Variants in ELP4 observed in about 807,000 individuals in gnomAD.
ELP4 encodes elongator acetyltransferase complex subunit 4.
Under a neutral mutation model 48.9 loss-of-function variants are expected in ELP4, and 51 were observed. That is an observed-to-expected ratio of 1.04 (90% confidence interval 0.83 to 1.32). The LOEUF (loss-of-function observed/expected upper bound fraction) is 1.32, where lower values mean the gene tolerates loss of function less well. Ranked by LOEUF, ELP4 falls within the 40% of genes most tolerant of loss-of-function variation. The probability of loss-of-function intolerance (pLI) is 0.00; values close to 1 mark genes in which losing one functional copy is unlikely to be tolerated. For synonymous variants in ELP4, 210 were observed against 189.2 expected (o/e 1.11, Z -0.90); for missense variants, 519 against 514.6 (o/e 1.01, Z -0.08).
intron 3 of ELP4, among the ~76,000 whole-genome samples, chr11:31,540,366 T>C (rs1228610696): frequency 2.6e-5 from 4 of 152,212 alleles, no homozygotes; most frequent in African/African-American, 4.8e-5. Context: ...ATCTATATAA[T>C]CAGCAAATTG....
chr11:31,764,039 A>G (rs1443504733), intron 9 of ELP4, among the ~76,000 whole-genome samples: 1 of 152,124 alleles, frequency 6.6e-6, no homozygotes. Context: ...ATTTTCTTAT[A>G]TCTCTTTCAA....
chr11:31,743,934 A>G (rs1018845370), intron 9 of ELP4, among the ~76,000 whole-genome samples: 2 of 152,234 alleles, frequency 1.3e-5, no homozygotes, highest in South Asian at 4.1e-4. Flanking sequence ...AACCCTTCAA[A>G]AAATTAATGA....
chr11:31,625,708 C>G (rs1944729565), intron 5 of ELP4, among the ~76,000 whole-genome samples: 2 of 151,818 alleles, frequency 1.3e-5, no homozygotes, highest in Admixed American at 1.3e-4. Context: ...GGCTGGAATT[C>G]ATTTCATAAT....
chr11:31,787,805 A>G lies in ELP4; in HGVS notation c.*4281A>G. The G allele has an allele frequency of 4.4e-6, 1 of 226,740 alleles. No homozygotes were observed. The allele number at this position is 226,740 out of a possible 1,614,324, so 14.0% of individuals were successfully genotyped here. Reference sequence around the variant, plus strand: ...AATGAATCTCAATTATCTGTTCACAAGTAATTCCTTAACTAAAAAACAGTA... The same window carrying G: ...AATGAATCTCAATTATCTGTTCACAGGTAATTCCTTAACTAAAAAACAGTA... On this transcript the variant is annotated 3_prime_UTR_variant, in exon 10 of 10. Transcript: ENST00000640961.
At chr11:31,691,658 G>A (rs543384154) in intron 9 of ELP4, among the ~76,000 whole-genome samples, 2 of 152,018 alleles carry the variant, frequency 1.3e-5, no homozygotes, top group Admixed American at 1.3e-4. Context: ...CAAATAGAAT[G>A]GTACATATGT....
intron 4 of ELP4, among the ~76,000 whole-genome samples, chr11:31,598,299 G>C (rs1957713302): frequency 6.6e-6 from 1 of 151,822 alleles, no homozygotes; most frequent in South Asian, 2.1e-4. Flanking sequence ...TAGAGTTGGG[G>C]TAAAAATTAT....
intron 9 of ELP4, among the ~76,000 whole-genome samples, chr11:31,678,305 C>T (rs1291721299): frequency 6.6e-6 from 1 of 151,880 alleles, no homozygotes; most frequent in Non-Finnish European, 1.5e-5. Flanking sequence ...AAAAATTAGC[C>T]AGGTATGGTG....
intron 9 of ELP4, among the ~76,000 whole-genome samples, chr11:31,740,163 C>T (rs1231098349): frequency 6.6e-6 from 1 of 152,148 alleles, no homozygotes. Flanking sequence ...AGATAATTTC[C>T]AGAGCTGTAA....
chr11:31,511,933 T>C (rs1169461407), intron 1 of ELP4: 1 of 152,202 alleles, frequency 6.6e-6, no homozygotes, highest in Non-Finnish European at 1.5e-5. Context: ...ACAGTATTGG[T>C]TGTTGAATAC....
chr11:31,677,904 A>G (rs1196041282), intron 9 of ELP4, among the ~76,000 whole-genome samples: 1 of 152,138 alleles, frequency 6.6e-6, no homozygotes, highest in Non-Finnish European at 1.5e-5. Context: ...CTGTTTTGAC[A>G]TTCTGTGGAT....
At chr11:31,581,644 C>G (rs1957394415) in intron 3 of ELP4, among the ~76,000 whole-genome samples, 2 of 152,130 alleles carry the variant, frequency 1.3e-5, no homozygotes, top group Non-Finnish European at 2.9e-5. Flanking sequence ...TACTTCCATT[C>G]AGAGTTTATA....
intron 3 of ELP4, among the ~76,000 whole-genome samples, chr11:31,567,656 C>T (rs1347901198): frequency 2.0e-5 from 3 of 152,112 alleles, no homozygotes; most frequent in Admixed American, 1.3e-4. Flanking sequence ...AAAGGCATAC[C>T]TTGGAGATAA....
In ELP4 at chr11:31,786,259, TG is replaced by T. The variant is rs1948611813; in HGVS notation, c.*2741del. On this transcript the variant is annotated 3_prime_UTR_variant, in exon 10 of 10. Coordinates refer to ENST00000640961, the MANE Select transcript of ELP4 (RefSeq NM_019040.5). ...CACACATAGGCATACAAAAGGAGAG[TG>T]GGGGGACCCCCCTATTCATTTGTTT... 1 of 210,038 alleles carries T rather than the reference TG, an allele frequency of 4.8e-6. No individual in the cohort carries two copies. The allele number at this position is 210,038 out of a possible 1,614,324, so 13.0% of individuals were successfully genotyped here. A position where few individuals can be genotyped will look rare whatever the true frequency, so the allele number is the denominator to read the frequency against.
chr11:31,526,829 T>A (rs1956302502), intron 2 of ELP4, among the ~76,000 whole-genome samples: 3 of 152,022 alleles, frequency 2.0e-5, no homozygotes, highest in Admixed American at 2.0e-4. Context: ...TTTCAATGTG[T>A]ACTTTAACCA....
At chr11:31,555,352 T>C (rs1452000690) in intron 3 of ELP4, among the ~76,000 whole-genome samples, 1 of 152,122 alleles carries the variant, frequency 6.6e-6, no homozygotes, top group African/African-American at 2.4e-5. Context: ...TTCACACTGC[T>C]CTAATCTGAA....
At chr11:31,708,281 A>G (rs1441212890) in intron 9 of ELP4, among the ~76,000 whole-genome samples, 1 of 152,176 alleles carries the variant, frequency 6.6e-6, no homozygotes, top group African/African-American at 2.4e-5. Context: ...CAAAGCCATC[A>G]GAGTTCGATT....
rs1948741317 is a variant in ELP4, at chr11:31,787,452, AAATTAC to A, written c.*3930_*3935del. Reference sequence around the variant, plus strand: ...GGAACTGGCTGCCTGACCGTGGTGGAAATTACAGCCAGCGAGAAGGAAGAAGTAAGC... The same window carrying A: ...GGAACTGGCTGCCTGACCGTGGTGGAAGCCAGCGAGAAGGAAGAAGTAAGC... On this transcript the variant is annotated 3_prime_UTR_variant, in exon 10 of 10. Coordinates refer to ENST00000640961, the MANE Select transcript of ELP4 (RefSeq NM_019040.5). 1.3e-5 allele frequency: 3 copies of A among 233,198 alleles called. No homozygotes were observed. Among genetic ancestry groups the A allele is most frequent in the African/African-American group, 2.2e-5 (1 of 45,352 alleles). The allele number at this position is 233,198 out of a possible 1,614,324, so 14.4% of individuals were successfully genotyped here.
chr11:31,555,888 G>A (rs1175205191), intron 3 of ELP4, among the ~76,000 whole-genome samples: 1 of 151,814 alleles, frequency 6.6e-6, no homozygotes, highest in Admixed American at 6.6e-5. Flanking sequence ...CAAAACCAAG[G>A]AGTTAACAGT....
At chr11:31,651,787 C>G (rs915118918) in intron 9 of ELP4, 3 of 151,642 alleles carry the variant, frequency 2.0e-5, no homozygotes, top group Admixed American at 1.3e-4. Context: ...TATTACCATA[C>G]AAACTAAGCA....
Sources: allele counts gnomAD v4.1 joint callset (sites outside exome capture counted in the v4.1 genomes callset), GRCh38; gene constraint gnomAD v4.1.1; transcripts MANE v1.5; gene names NCBI Gene and HGNC (gene_info 2026-07-23, HGNC 2026-07-21).